Variants in THSD4 observed in about 807,000 individuals in gnomAD.
THSD4 encodes the protein thrombospondin type-1 domain-containing protein 4.
Under a neutral mutation model 119.0 loss-of-function variants are expected in THSD4, and 69 were observed. That is an observed-to-expected ratio of 0.58 (90% CI 0.48 to 0.71). The LOEUF is 0.71. THSD4 is among the 30% of genes least tolerant of loss of function. The pLI, the probability that THSD4 is intolerant of heterozygous loss-of-function variation, is 0.00. For synonymous variants in THSD4, 524 were observed against 540.4 expected (o/e 0.97, Z 0.42); for missense variants, 1,393 against 1,391.1 (o/e 1.00, Z -0.02).
chr15:71,720,891 C>CT (rs559290391), intron 8 of THSD4, among the ~76,000 whole-genome samples: 4 of 152,140 alleles, frequency 2.6e-5, no homozygotes, highest in Admixed American at 1.3e-4. Flanking sequence ...CTAGGAGAAA[C>CT]TTTTTTTTCT....
intron 7 of THSD4, among the ~76,000 whole-genome samples, chr15:71,412,696 T>C (rs1232377287): frequency 6.6e-6 from 1 of 152,156 alleles, no homozygotes; most frequent in Non-Finnish European, 1.5e-5. Context: ...CAGTGTTTAA[T>C]ATTAGGGATA....
At chr15:71,272,432 T>G (rs371122082) in intron 6 of THSD4, among the ~76,000 whole-genome samples, 2,856 of 101,606 alleles carry the variant, frequency 0.028, 91 homozygotes, top group African/African-American at 0.09. Context: ...AAGAAAGAAG[T>G]GGGGAGGGAG....
intron 7 of THSD4, among the ~76,000 whole-genome samples, chr15:71,568,002 T>A (rs897642819): frequency 1.3e-5 from 2 of 152,268 alleles, no homozygotes; most frequent in African/African-American, 4.8e-5. Flanking sequence ...TTTGTATACT[T>A]ATTATTATCC....
intron 6 of THSD4, among the ~76,000 whole-genome samples, chr15:71,258,808 T>C (rs1404297673): frequency 6.6e-6 from 1 of 152,144 alleles, no homozygotes; most frequent in East Asian, 1.9e-4. Context: ...TATGTTGAGT[T>C]CATATTGGAG....
intron 7 of THSD4, among the ~76,000 whole-genome samples, chr15:71,655,524 G>A: frequency 6.6e-6 from 1 of 152,148 alleles, no homozygotes; most frequent in Non-Finnish European, 1.5e-5. Context: ...AGACAAAGAT[G>A]ACAAAACCCA....
intron 7 of THSD4, among the ~76,000 whole-genome samples, chr15:71,596,515 G>A (rs1430601071): frequency 2.0e-5 from 3 of 152,200 alleles, no homozygotes; most frequent in African/African-American, 7.2e-5. Flanking sequence ...TTGCCATTCA[G>A]ATTGTCCATA....
intron 6 of THSD4, among the ~76,000 whole-genome samples, chr15:71,411,309 G>A (rs1229812109): frequency 6.6e-6 from 1 of 152,132 alleles, no homozygotes; most frequent in Non-Finnish European, 1.5e-5. Context: ...TATGGGGAGA[G>A]CTGATAACTT....
At chr15:71,777,153 C>A in intron 17 of THSD4, 79 bp from the exon 18 acceptor site, 1 of 1,558,070 alleles carries the variant, frequency 6.4e-7, no homozygotes, top group South Asian at 1.1e-5. Context: ...AAAGCCACAG[C>A]CACTGCCCTT....
chr15:71,423,088 T>G (rs2046828682), intron 7 of THSD4, among the ~76,000 whole-genome samples: 1 of 152,144 alleles, frequency 6.6e-6, no homozygotes, highest in Non-Finnish European at 1.5e-5. Flanking sequence ...TTAGAGCAGT[T>G]GGCTCCCCTC....
At chr15:71,224,080 A>T (rs1255987381) in intron 4 of THSD4, among the ~76,000 whole-genome samples, 1 of 152,172 alleles carries the variant, frequency 6.6e-6, no homozygotes, top group South Asian at 2.1e-4. Flanking sequence ...TCGGAGGAAT[A>T]ATTGAGCTGT....
At chr15:71,281,737 T>A (rs1157742063) in intron 6 of THSD4, among the ~76,000 whole-genome samples, 3 of 152,220 alleles carry the variant, frequency 2.0e-5, no homozygotes, top group Non-Finnish European at 2.9e-5. Flanking sequence ...AAGATAATCT[T>A]TTCTCCATTT....
intron 1 of THSD4, among the ~76,000 whole-genome samples, chr15:71,133,679 C>G (rs1332306432): frequency 2.0e-5 from 3 of 152,210 alleles, no homozygotes; most frequent in Non-Finnish European, 2.9e-5. Context: ...CCACTTTGAT[C>G]TGCAGTATCA....
At chr15:71,422,532 C>G (rs556204924) in intron 7 of THSD4, among the ~76,000 whole-genome samples, 2 of 152,288 alleles carry the variant, frequency 1.3e-5, no homozygotes, top group South Asian at 2.1e-4. Flanking sequence ...CTTACTTTCT[C>G]CTACAAGAAT....
intron 8 of THSD4, among the ~76,000 whole-genome samples, chr15:71,701,818 G>T (rs1322842352): frequency 6.6e-6 from 1 of 152,112 alleles, no homozygotes; most frequent in African/African-American, 2.4e-5. Context: ...GTGGAGTGAA[G>T]CGAGATTGGG....
At chr15:71,583,128 T>C (rs944494558) in intron 7 of THSD4, among the ~76,000 whole-genome samples, 1 of 152,174 alleles carries the variant, frequency 6.6e-6, no homozygotes, top group Non-Finnish European at 1.5e-5. Flanking sequence ...AGATTTGCTA[T>C]TTCTTTATGA....
intron 7 of THSD4, among the ~76,000 whole-genome samples, chr15:71,527,953 C>A (rs1029036774): frequency 6.6e-6 from 1 of 152,022 alleles, no homozygotes; most frequent in African/African-American, 2.4e-5. Flanking sequence ...TGGGCTCAAG[C>A]AATCTTCCTG....
chr15:71,412,086 A>G (rs568084100), intron 7 of THSD4, among the ~76,000 whole-genome samples: 1 of 152,292 alleles, frequency 6.6e-6, no homozygotes, highest in African/African-American at 2.4e-5. Flanking sequence ...TTCACAAGGG[A>G]CACAGCAATC....
In THSD4 at chr15:71,758,046, G is replaced by A. The variant is rs1038317150; in HGVS notation, c.2560G>A (p.Val854Met). ...PCDNGPCTGK[V>M]EWFAGSWSQC... ...TGACAACGGACCCTGCACGGGCAAGGTGGAGTGGTTTGCCGGGAGCTGGAG... is the reference window on the plus strand; with the variant it reads ...TGACAACGGACCCTGCACGGGCAAGATGGAGTGGTTTGCCGGGAGCTGGAG... The change falls in exon 15 of 18, where the codon GTG becomes ATG. Residue 854 changes from valine (V) to methionine (M), a missense_variant. By Grantham distance (21) the Val-to-Met change is conservative. Coordinates refer to ENST00000261862, the MANE Select transcript of THSD4 (RefSeq NM_024817.3). The A allele has an allele frequency of 6.2e-6, 10 of 1,601,160 alleles. No homozygotes were observed. Among genetic ancestry groups the A allele is most frequent in the Non-Finnish European group, 7.7e-6 (9 of 1,173,368 alleles).
chr15:71,584,953 T>A (rs938440311), intron 7 of THSD4, among the ~76,000 whole-genome samples: 15 of 151,890 alleles, frequency 9.9e-5, no homozygotes, highest in Non-Finnish European at 1.9e-4. Context: ...AAGCTTTGAT[T>A]GAATTTAAAA....
Sources: allele counts gnomAD v4.1 joint callset (sites outside exome capture counted in the v4.1 genomes callset), GRCh38; gene constraint gnomAD v4.1.1; transcripts MANE v1.5; gene names NCBI Gene and HGNC (gene_info 2026-07-23, HGNC 2026-07-21).